The following CBLB variants were observed in gnomAD, a reference collection of about 807,000 sequenced individuals.
CBLB encodes the protein Cbl proto-oncogene B.
In CBLB, 31 loss-of-function variants were observed where a neutral mutation model predicts 104.9. The ratio of observed to expected loss-of-function variants is 0.30; its 90% CI spans 0.22 to 0.40. CBLB has a LOEUF of 0.40. CBLB is among the 10% of genes least tolerant of loss of function. CBLB has a pLI of 1.00. For missense variants in CBLB, 1,062 were observed against 1,214.6 expected, an observed-to-expected ratio of 0.87 and a Z score of 1.87; for synonymous variants, 440 against 422.6, an observed-to-expected ratio of 1.04 and a Z score of -0.51.
chr3:105,726,515 G>T (rs1239843298), intron 9 of CBLB, among the ~76,000 whole-genome samples: 6 of 147,912 alleles, frequency 4.1e-5, no homozygotes, highest in African/African-American at 1.5e-4. Flanking sequence ...TTTGGGGTTT[G>T]TTCCATTCAG....
rs746094338 is a variant in CBLB, at chr3:105,740,506, C to T, written c.971G>A (p.Ser324Asn). 6 of 1,614,004 alleles carry T rather than the reference C, an allele frequency of 3.7e-6. No homozygotes were observed. The South Asian group carries it at 6.6e-5, about 18-fold the overall frequency. ...KPLFQALIDGSREGFYLYPDG... is the reference protein window; with the variant it reads ...KPLFQALIDGNREGFYLYPDG... ...TTCTCATACTTACAATCCTTCCCTG[C>T]TGCCATCAATCAGGGCTTGAAATAA... Residue 324 changes from serine to asparagine, a missense_variant, in exon 7 of 19, where the codon AGC becomes AAC. Coordinates refer to ENST00000394030, the MANE Select transcript of CBLB (RefSeq NM_170662.5).
In CBLB at chr3:105,740,641, A is replaced by G. The variant is rs747626410; in HGVS notation, c.846-10T>C. 1.1e-5 allele frequency: 18 copies of G among 1,611,126 alleles called. No individual in the cohort carries two copies. The highest frequency in any genetic ancestry group is 9.3e-5 in the African/African-American group (7 of 74,872). On this transcript the variant is annotated splice_polypyrimidine_tract_variant and intron_variant, in intron 6 of 18. Coordinates refer to ENST00000394030, the MANE Select transcript of CBLB (RefSeq NM_170662.5). ...TAACCGGAAAATATAGCTGCAAAAC[A>G]TAAGAAAATTACATCTAATTACATT...
chr3:105,729,388 G>A (rs1381925936), intron 9 of CBLB, among the ~76,000 whole-genome samples: 1 of 151,898 alleles, frequency 6.6e-6, no homozygotes, highest in African/African-American at 2.4e-5. Flanking sequence ...ATAAATAAAT[G>A]GAAAATGATA....
intron 10 of CBLB, among the ~76,000 whole-genome samples, chr3:105,710,458 C>A (rs2070904641): frequency 6.6e-6 from 1 of 151,918 alleles, no homozygotes; most frequent in African/African-American, 2.4e-5. Context: ...GGGAAAGACA[C>A]AAACATCCTT....
chr3:105,720,796 CA>C (rs1336224854), intron 9 of CBLB, among the ~76,000 whole-genome samples: 1 of 152,176 alleles, frequency 6.6e-6, no homozygotes, highest in Non-Finnish European at 1.5e-5. Context: ...CATTTATATT[CA>C]AAAGCCATCA....
chr3:105,780,684 A>C (rs1259712706), intron 3 of CBLB, among the ~76,000 whole-genome samples: 2 of 48,978 alleles, frequency 4.1e-5, no homozygotes, highest in Non-Finnish European at 7.2e-5. Flanking sequence ...TTTTTTTGAG[A>C]TGGAGTCTCG....
At position 105,749,746 on chromosome 3, in the gene CBLB, TC is replaced by T. The variant is rs1417877665; in HGVS notation, c.723+1715del. 3 of 325,216 alleles carry T rather than the reference TC, an allele frequency of 9.2e-6. No homozygotes were observed. The East Asian group carries it at 3.1e-4, about 34-fold the overall frequency. The allele number at this position is 325,216 out of a possible 1,614,324, so 20.1% of individuals were successfully genotyped here. A position where few individuals can be genotyped will look rare whatever the true frequency, so the allele number is the denominator to read the frequency against. On this transcript the variant is annotated intron_variant, in intron 5 of 18. Coordinates refer to ENST00000394030, the MANE Select transcript of CBLB (RefSeq NM_170662.5). Reference sequence around the variant, plus strand: ...GTATCATGTTAAATAAATAAGATATTCTGTAAAATTATCAGAAACCTTTAAA... The same window carrying T: ...GTATCATGTTAAATAAATAAGATATTTGTAAAATTATCAGAAACCTTTAAA...
At chr3:105,797,130 A>T (rs918646816) in intron 3 of CBLB, among the ~76,000 whole-genome samples, 6 of 152,190 alleles carry the variant, frequency 3.9e-5, no homozygotes, top group Admixed American at 3.3e-4. Flanking sequence ...AAGACACGTG[A>T]ACGTATATGT....
At chr3:105,702,489 A>AC (rs1559881716) in intron 11 of CBLB, 30 bp from the exon 12 acceptor site, 8 of 1,476,352 alleles carry the variant, frequency 5.4e-6, no homozygotes, top group Admixed American at 4.7e-5. Context: ...AAAAAAAAAA[A>AC]AAAAAAAAAA....
intron 6 of CBLB, among the ~76,000 whole-genome samples, chr3:105,745,478 T>C (rs1018469763): frequency 6.6e-6 from 1 of 152,238 alleles, no homozygotes; most frequent in Non-Finnish European, 1.5e-5. Flanking sequence ...CTTATGTACA[T>C]ACATGTATTT....
chr3:105,697,659 A>G (rs1464599512), intron 12 of CBLB, among the ~76,000 whole-genome samples: 2 of 152,006 alleles, frequency 1.3e-5, no homozygotes, highest in Non-Finnish European at 1.5e-5. Flanking sequence ...CTCTCCACCA[A>G]AAGTACAACA....
At chr3:105,675,454 T>C (rs1181521806) in intron 17 of CBLB, among the ~76,000 whole-genome samples, 1 of 152,236 alleles carries the variant, frequency 6.6e-6, no homozygotes, top group African/African-American at 2.4e-5. Context: ...AATACTCAAA[T>C]GCTCATTTAT....
chr3:105,695,487 T>C (rs923918625), intron 12 of CBLB, among the ~76,000 whole-genome samples: 1 of 151,830 alleles, frequency 6.6e-6, no homozygotes, highest in South Asian at 2.1e-4. Flanking sequence ...AGACAAGTCA[T>C]ACAGGCAATG....
At chr3:105,815,655 T>C (rs1340113140) in intron 3 of CBLB, among the ~76,000 whole-genome samples, 2 of 152,140 alleles carry the variant, frequency 1.3e-5, no homozygotes, top group African/African-American at 4.8e-5. Context: ...CTCAAGGATA[T>C]AGAACCAGAA....
intron 2 of CBLB, among the ~76,000 whole-genome samples, chr3:105,863,883 A>G (rs960789496): frequency 3.3e-5 from 5 of 152,150 alleles, no homozygotes; most frequent in Non-Finnish European, 5.9e-5. Context: ...CTAATTTCCT[A>G]AGCATCCATG....
chr3:105,743,733 A>T (rs909890495), intron 6 of CBLB, among the ~76,000 whole-genome samples: 7 of 114,278 alleles, frequency 6.1e-5, no homozygotes, highest in East Asian at 7.1e-4. Context: ...TTTCCAAGAT[A>T]AAAAAAAAAA....
chr3:105,827,437 T>C (rs904760414), intron 3 of CBLB, among the ~76,000 whole-genome samples: 1 of 152,156 alleles, frequency 6.6e-6, no homozygotes, highest in African/African-American at 2.4e-5. Flanking sequence ...TTTCCATCCA[T>C]TACAATATAA....
intron 1 of CBLB, chr3:105,868,316 C>G (rs1400011845): frequency 3.5e-6 from 3 of 867,542 alleles, no homozygotes; most frequent in Admixed American, 4.3e-5. Flanking sequence ...TCGCCTCTGC[C>G]CTCAACCCAA....
At chr3:105,857,019 A>T (rs2091687484) in intron 2 of CBLB, among the ~76,000 whole-genome samples, 1 of 152,216 alleles carries the variant, frequency 6.6e-6, no homozygotes, top group Non-Finnish European at 1.5e-5. Context: ...GGCATAGTTT[A>T]ATGTCAGCAA....
Sources: gnomAD v4.1 joint callset for allele counts (sites outside exome capture counted in the v4.1 genomes callset) on GRCh38, gnomAD v4.1.1 for gene constraint, MANE v1.5 for transcripts, NCBI Gene and HGNC (gene_info 2026-07-23, HGNC 2026-07-21) for gene names.